The following COL4A6 variants were observed in gnomAD, a reference collection of about 807,000 sequenced individuals.
The protein encoded by COL4A6 is collagen type IV alpha 6 chain, also known as collagen alpha-6(IV) chain.
COL4A6 carries 59 observed loss-of-function variants against 126.7 expected under a neutral mutation model. The ratio of observed to expected loss-of-function variants is 0.47; its 90% confidence interval spans 0.38 to 0.58. COL4A6 has a LOEUF of 0.58. COL4A6 is among the 20% of genes least tolerant of loss of function. The pLI is 0.00. For synonymous variants in COL4A6, 547 were observed against 496.6 expected (o/e 1.10, Z -1.35); for missense variants, 1,285 against 1,337.3 (o/e 0.96, Z 0.61).
intron 3 of COL4A6, among the ~76,000 whole-genome samples, chrX:108,231,483 C>T (rs773489955): frequency 8.9e-6 from 1 of 112,467 alleles, no homozygotes; most frequent in East Asian, 2.8e-4. Context: ...TTATAAAGTG[C>T]TATTCCTTAA....
intron 2 of COL4A6, among the ~76,000 whole-genome samples, chrX:108,360,700 C>CT (rs1235247793): frequency 1.6e-4 from 17 of 108,213 alleles, no homozygotes; most frequent in Admixed American, 3.9e-4. Context: ...CCATGCCCAG[C>CT]TTTTTTTTTG....
At position 108,174,451 on chromosome X, in the gene COL4A6, G is replaced by A; in HGVS notation, c.3127C>T (p.Pro1043Ser). 5.0e-6 allele frequency: 6 copies of A among 1,210,638 alleles called. No homozygotes were observed. The highest frequency in any genetic ancestry group is 6.7e-6 in the Non-Finnish European group (6 of 894,978). The stretch of plus-strand genomic sequence containing the variant: ...CTGGTCACACTTACACTTTCTCCTG[G>A]CATTCCTGGGAAACCTGTGATCCCA... ...SSGITGFPGM[P>S]GESGSQGIRG... Residue 1043 changes from proline (P) to serine (S), a missense_variant, in exon 31 of 45, where the codon CCA becomes TCA. By Grantham distance (74) the Pro-to-Ser change is moderately conservative. Transcript: ENST00000334504.
intron 2 of COL4A6, among the ~76,000 whole-genome samples, chrX:108,435,416 T>C (rs958517281): frequency 1.8e-5 from 2 of 112,183 alleles, no homozygotes; most frequent in African/African-American, 6.5e-5. Context: ...CATCCTATCT[T>C]CTAAGGAACA....
chrX:108,355,507 C>T (rs189700744), intron 2 of COL4A6, among the ~76,000 whole-genome samples: 34 of 112,280 alleles, frequency 3.0e-4, no homozygotes, highest in African/African-American at 1.1e-3. Flanking sequence ...CAGACAAGGT[C>T]CCTGGCCCCA....
intron 7 of COL4A6, 92 bp downstream of exon 7, chrX:108,211,580 C>T (rs922666833): frequency 2.5e-5 from 20 of 797,402 alleles, no homozygotes; most frequent in Middle Eastern, 6.3e-4. Context: ...GACACAGATG[C>T]TAGTTCTGGA....
At chrX:108,396,849 T>C (rs1022091342) in intron 2 of COL4A6, among the ~76,000 whole-genome samples, 9 of 111,730 alleles carry the variant, frequency 8.1e-5, no homozygotes, top group African/African-American at 2.3e-4. Flanking sequence ...TTTCAAGGCC[T>C]AGCTCAAAGT....
At chrX:108,196,439 A>G in intron 14 of COL4A6, 72 bp downstream of exon 14, 1 of 1,019,531 alleles carries the variant, frequency 9.8e-7, no homozygotes, top group South Asian at 2.0e-5. Flanking sequence ...GCAAAACATA[A>G]AGAAGCAAAC....
At chrX:108,294,631 C>T (rs147283563) in intron 3 of COL4A6, among the ~76,000 whole-genome samples, 3,367 of 111,294 alleles carry the variant, frequency 0.03, 122 homozygotes, top group African/African-American at 0.1. Flanking sequence ...TAGAAAGAGA[C>T]GCTTCGGTTT....
intron 3 of COL4A6, among the ~76,000 whole-genome samples, chrX:108,222,558 T>C (rs185092688): frequency 8.9e-6 from 1 of 112,058 alleles, no homozygotes; most frequent in Non-Finnish European, 1.9e-5. Context: ...CCAGCTGTGA[T>C]GATCCTTTGG....
chrX:108,192,224 G>A (rs1304709201), intron 18 of COL4A6, among the ~76,000 whole-genome samples: 1 of 111,904 alleles, frequency 8.9e-6, no homozygotes, highest in Non-Finnish European at 1.9e-5. Context: ...AAACCTCAGT[G>A]ACAGTCTAGG....
chrX:108,238,095 GGTGTGT>G (rs1257965116), intron 3 of COL4A6, among the ~76,000 whole-genome samples: 1 of 97,436 alleles, frequency 1.0e-5, no homozygotes, highest in African/African-American at 3.9e-5. Flanking sequence ...TCTGGTTTTG[GGTGTGT>G]GTGTGTGTGT....
chrX:108,165,445 G>T lies in COL4A6; in HGVS notation c.3733C>A (p.Pro1245Thr). Residue 1245 changes from proline to threonine, a missense_variant, in exon 38 of 45, where the codon CCA (proline) becomes ACA (threonine). Transcript: ENST00000334504. ...ATGAGTGAGGGCAAGGAGATGCCTG[G>T]GGCACCGGGGAGACCAGCAGGGCCC... The part of the protein sequence containing the change: ...LQGPAGLPGA[P>T]GISLPSLIAG... 5 of 1,201,241 alleles carry T rather than the reference G, an allele frequency of 4.2e-6. No homozygotes were observed. The South Asian group carries it at 9.2e-5, about 22-fold the overall frequency.
intron 2 of COL4A6, among the ~76,000 whole-genome samples, chrX:108,363,215 G>T (rs2040125973): frequency 9.0e-6 from 1 of 111,439 alleles, no homozygotes. Flanking sequence ...TATAGAGGAG[G>T]TTTGGTGAGG....
At chrX:108,187,651 CAA>C (rs935688432) in intron 22 of COL4A6, among the ~76,000 whole-genome samples, 195 bp downstream of exon 22, 5 of 111,980 alleles carry the variant, frequency 4.5e-5, no homozygotes, top group African/African-American at 9.7e-5. Flanking sequence ...TCAAATGAGA[CAA>C]TGATCCATTC....
Position 108,257,047 on chromosome X carries a change from G to T in COL4A6, c.145-35673C>A, listed in dbSNP as rs140984200. Among the ~76,000 whole-genome samples, 304 of 111,772 alleles carry T rather than the reference G, an allele frequency of 2.7e-3. 1 individual carries two copies. Among genetic ancestry groups the T allele is most frequent in the African/African-American group, 9.5e-3 (294 of 30,849 alleles). The stretch of plus-strand genomic sequence containing the variant: ...AAAATGAGGATGGTTATCTCTCAAA[G>T]AACTGGAAAAGGCAAAGAAAGACGA... On this transcript the variant is annotated intron_variant, in intron 3 of 44. Coordinates refer to ENST00000334504, the MANE Select transcript of COL4A6 (RefSeq NM_033641.4).
At chrX:108,203,805 G>A (rs1023637102) in intron 12 of COL4A6, among the ~76,000 whole-genome samples, 1 of 112,323 alleles carries the variant, frequency 8.9e-6, no homozygotes, top group Admixed American at 9.4e-5. Context: ...AGCCTTGGTA[G>A]TTCAGATCTG....
chrX:108,280,924 G>A (rs1292207511), intron 3 of COL4A6, among the ~76,000 whole-genome samples: 3 of 111,517 alleles, frequency 2.7e-5, no homozygotes, highest in African/African-American at 6.5e-5. Flanking sequence ...TGCAGAAAAG[G>A]CCTTTGACAA....
rs769502710 is a variant in COL4A6, at chrX:108,196,293, C to A, written c.903+218G>T. On this transcript the variant is annotated intron_variant, in intron 14 of 44. Transcript: ENST00000334504. Reference sequence around the variant, plus strand: ...GCAAGGAGATGAATAGGCTGAGGAGCCACCTAGAGTAGGGGGTGCCTCATT... The same window carrying A: ...GCAAGGAGATGAATAGGCTGAGGAGACACCTAGAGTAGGGGGTGCCTCATT... Among the ~76,000 whole-genome samples the A allele has an allele frequency of 9.4e-4, 104 of 111,069 alleles. 1 individual carries two copies. Among genetic ancestry groups the A allele is most frequent in the African/African-American group, 3.1e-3 (96 of 30,505 alleles).
At chrX:108,402,778 G>A (rs2041116580) in intron 2 of COL4A6, among the ~76,000 whole-genome samples, 1 of 110,630 alleles carries the variant, frequency 9.0e-6, no homozygotes, top group Non-Finnish European at 1.9e-5. Context: ...TTTTGTTGTT[G>A]ACGTCATATG....
Sources: allele counts gnomAD v4.1 joint callset (sites outside exome capture counted in the v4.1 genomes callset), GRCh38; gene constraint gnomAD v4.1.1; transcripts MANE v1.5; gene names NCBI Gene and HGNC (gene_info 2026-07-23, HGNC 2026-07-21).